Variants in NEGR1 observed in about 807,000 individuals in gnomAD.
NEGR1 encodes neuronal growth regulator 1, also known as IgLON family member 4.
NEGR1 carries 10 observed loss-of-function variants against 40.9 expected under a neutral mutation model. The observed-to-expected ratio is 0.24, with a 90% CI of 0.15 to 0.42. The LOEUF is 0.42. NEGR1 is among the 10% of genes least tolerant of loss of function. The pLI is 1.00. For missense variants in NEGR1, 352 were observed against 438.9 expected, an observed-to-expected ratio of 0.80 and a Z score of 1.77; for synonymous variants, 185 against 166.8, an observed-to-expected ratio of 1.11 and a Z score of -0.84.
At chr1:72,182,392 C>T (rs994643234) in intron 1 of NEGR1, among the ~76,000 whole-genome samples, 5 of 152,068 alleles carry the variant, frequency 3.3e-5, no homozygotes, top group African/African-American at 9.7e-5. Context: ...ACTTGGGAGG[C>T]TGAGCCAGGG....
Position 72,055,204 on chromosome 1 carries a change from C to T in NEGR1, c.177-119893G>A, listed in dbSNP as rs187374253. 4.4e-3 allele frequency among the ~76,000 whole-genome samples: 660 copies of T among 151,252 alleles called. 1 individual carries two copies. Among genetic ancestry groups the T allele is most frequent in the Middle Eastern group, 0.01 (3 of 294 alleles). ...ATTATGAATATCTTTTGAGGCTTCA[C>T]TAATGTATAAGAATATTTAACAAAG... On this transcript the variant is annotated intron_variant, in intron 1 of 6. Transcript: ENST00000357731.
intron 2 of NEGR1, among the ~76,000 whole-genome samples, chr1:71,840,865 G>A (rs567979483): frequency 1.7e-4 from 26 of 152,128 alleles, no homozygotes; most frequent in Admixed American, 7.2e-4. Flanking sequence ...TAATATAGGC[G>A]GGCCCCATCC....
At chr1:72,133,331 C>A (rs969134439) in intron 1 of NEGR1, among the ~76,000 whole-genome samples, 2 of 151,992 alleles carry the variant, frequency 1.3e-5, no homozygotes, top group African/African-American at 4.8e-5. Context: ...ATATTTTTAA[C>A]ACACTACTGC....
intron 6 of NEGR1, among the ~76,000 whole-genome samples, chr1:71,464,259 A>AT (rs1646731255): frequency 6.6e-6 from 1 of 152,150 alleles, no homozygotes; most frequent in African/African-American, 2.4e-5. Context: ...GAGTAAACTG[A>AT]TTTTAAATAT....
At chr1:72,033,048 A>G (rs1646872998) in intron 1 of NEGR1, among the ~76,000 whole-genome samples, 1 of 152,154 alleles carries the variant, frequency 6.6e-6, no homozygotes, top group Admixed American at 6.5e-5. Flanking sequence ...AAAACTGTAC[A>G]AAGTTTCAGT....
chr1:71,606,472 A>T (rs1650079465), intron 5 of NEGR1, among the ~76,000 whole-genome samples: 1 of 152,186 alleles, frequency 6.6e-6, no homozygotes, highest in African/African-American at 2.4e-5. Context: ...GCTGCTTGAG[A>T]TAGTTAGTGC....
At chr1:71,867,921 A>G (rs1390318992) in intron 2 of NEGR1, among the ~76,000 whole-genome samples, 1 of 152,188 alleles carries the variant, frequency 6.6e-6, no homozygotes, top group Non-Finnish European at 1.5e-5. Context: ...ATTACAGCAC[A>G]CCAATTCATC....
chr1:71,597,918 T>TA (rs150564362), intron 5 of NEGR1, among the ~76,000 whole-genome samples: 3,803 of 149,280 alleles, frequency 0.025, 166 homozygotes, highest in African/African-American at 0.088. Context: ...ATCCCAAAAT[T>TA]AAAAAAAAAA....
At position 71,663,464 on chromosome 1, in the gene NEGR1, A is replaced by T. The variant is rs61203396; in HGVS notation, c.667+34544T>A. Among the ~76,000 whole-genome samples, 1,164 of 152,204 alleles carry T rather than the reference A, an allele frequency of 7.6e-3. 9 individuals carry two copies. Among genetic ancestry groups the T allele is most frequent in the African/African-American group, 0.027 (1,113 of 41,558 alleles). ...TCAATCTTTGCAATTTTATGAATAGATATTCTTAATTACAAAAGAAAAAAT... is the reference window on the plus strand; with the variant it reads ...TCAATCTTTGCAATTTTATGAATAGTTATTCTTAATTACAAAAGAAAAAAT... On this transcript the variant is annotated intron_variant, in intron 4 of 6. Coordinates refer to ENST00000357731, the MANE Select transcript of NEGR1 (RefSeq NM_173808.3).
intron 1 of NEGR1, among the ~76,000 whole-genome samples, chr1:72,199,169 A>AGAGAGAGAGAGG (rs1653111280): frequency 6.6e-6 from 1 of 151,262 alleles, no homozygotes; most frequent in African/African-American, 2.4e-5. Context: ...AGAGAGAGAG[A>AGAGAGAGAGAGG]GAGAGAGAGA....
chr1:72,130,507 C>T (rs1650203907), intron 1 of NEGR1, among the ~76,000 whole-genome samples: 1 of 152,144 alleles, frequency 6.6e-6, no homozygotes, highest in Admixed American at 6.5e-5. Flanking sequence ...CTAATAAATG[C>T]TTTAAACTGA....
chr1:71,633,128 T>C (rs1213510), intron 4 of NEGR1, among the ~76,000 whole-genome samples: 70,459 of 151,904 alleles, frequency 0.46, 16,522 homozygotes, highest in East Asian at 0.67. Context: ...TAATTTAATA[T>C]GTAACACTCT....
intron 2 of NEGR1, among the ~76,000 whole-genome samples, chr1:71,882,815 C>T (rs969940732): frequency 1.4e-4 from 21 of 151,080 alleles, no homozygotes; most frequent in African/African-American, 4.9e-5. Context: ...TACACAGATA[C>T]TTTTCCTACC....
chr1:71,906,878 G>A (rs996332126), intron 2 of NEGR1, among the ~76,000 whole-genome samples: 2 of 152,064 alleles, frequency 1.3e-5, no homozygotes, highest in African/African-American at 4.8e-5. Context: ...CTAGCCTGAG[G>A]GACAATTAGA....
chr1:72,261,185 T>C (rs921331525), intron 1 of NEGR1, among the ~76,000 whole-genome samples: 3 of 152,076 alleles, frequency 2.0e-5, no homozygotes, highest in African/African-American at 7.2e-5. Context: ...GTACTATAAA[T>C]GATGAGACCA....
chr1:71,793,786 T>C (rs549498604), intron 2 of NEGR1, among the ~76,000 whole-genome samples: 1 of 152,114 alleles, frequency 6.6e-6, no homozygotes, highest in East Asian at 1.9e-4. Context: ...TCAATACAGA[T>C]TTAAGGATAT....
intron 1 of NEGR1, among the ~76,000 whole-genome samples, chr1:72,190,566 C>T (rs1652784627): frequency 6.6e-6 from 1 of 151,592 alleles, no homozygotes; most frequent in Non-Finnish European, 1.5e-5. Flanking sequence ...CAGATAATCA[C>T]ACAATTTTAC....
chr1:71,712,516 T>C (rs1460446233), intron 3 of NEGR1, among the ~76,000 whole-genome samples: 2 of 152,200 alleles, frequency 1.3e-5, no homozygotes, highest in Admixed American at 1.3e-4. Flanking sequence ...TCTTGAGCAA[T>C]ATATTCTGTA....
intron 6 of NEGR1, among the ~76,000 whole-genome samples, chr1:71,512,192 T>C (rs1647078328): frequency 1.3e-5 from 2 of 152,154 alleles, no homozygotes; most frequent in South Asian, 2.1e-4. Context: ...TAACTATCAA[T>C]TACATTCAAA....
Sources: allele counts gnomAD v4.1 joint callset (sites outside exome capture counted in the v4.1 genomes callset), GRCh38; gene constraint gnomAD v4.1.1; transcripts MANE v1.5; gene names NCBI Gene and HGNC (gene_info 2026-07-23, HGNC 2026-07-21).